The following OPA1 variants were observed in gnomAD, a reference collection of about 807,000 sequenced individuals.
OPA1 encodes dynamin-like GTPase OPA1, mitochondrial.
Under a neutral mutation model 152.9 loss-of-function variants are expected in OPA1, and 59 were observed. The observed-to-expected ratio is 0.39, with a 90% CI of 0.31 to 0.48. OPA1 has a LOEUF of 0.48. Among genes scored for constraint, OPA1 ranks in the 20% least tolerant of loss-of-function variants. OPA1 has a pLI of 0.96. For synonymous variants in OPA1, 400 were observed against 389.9 expected (o/e 1.03, Z -0.31); for missense variants, 1,008 against 1,216.8 (o/e 0.83, Z 2.55).
At chr3:193,651,616 T>G (rs1297925534) in intron 21 of OPA1, among the ~76,000 whole-genome samples, 1 of 152,212 alleles carries the variant, frequency 6.6e-6, no homozygotes, top group Non-Finnish European at 1.5e-5. Flanking sequence ...TTGGTTTATA[T>G]AGAGCAGATT....
chr3:193,607,229 T>C (rs1361548455), intron 1 of OPA1, among the ~76,000 whole-genome samples: 1 of 152,234 alleles, frequency 6.6e-6, no homozygotes, highest in Non-Finnish European at 1.5e-5. Flanking sequence ...CTGTTCACTC[T>C]GATGGTAGTT....
At chr3:193,691,965 G>A (rs191842158) in intron 29 of OPA1, 98 bp from the exon 30 acceptor site, 146 of 721,010 alleles carry the variant, frequency 2.0e-4, no homozygotes, top group Middle Eastern at 1.6e-3. Flanking sequence ...TCTTTTTCCC[G>A]CAAATAGTTA....
chr3:193,623,098 C>A (rs1730448455), intron 6 of OPA1, among the ~76,000 whole-genome samples: 1 of 151,648 alleles, frequency 6.6e-6, no homozygotes. Context: ...AAGACACTGG[C>A]AGATTCGATG....
chr3:193,693,380 C>T (rs904474642), intron 30 of OPA1, among the ~76,000 whole-genome samples: 14 of 152,330 alleles, frequency 9.2e-5, no homozygotes, highest in Admixed American at 7.2e-4. Context: ...TGGCTCACTC[C>T]TGTAATCCCA....
chr3:193,637,101 A>G, intron 9 of OPA1, 94 bp from the exon 10 acceptor site: 1 of 668,260 alleles, frequency 1.5e-6, no homozygotes, highest in South Asian at 2.0e-5. Context: ...TGGAAAAACA[A>G]TTTGAATTTA....
intron 29 of OPA1, among the ~76,000 whole-genome samples, chr3:193,679,571 C>A (rs1719795578): frequency 6.6e-6 from 1 of 152,102 alleles, no homozygotes; most frequent in African/African-American, 2.4e-5. Flanking sequence ...AAAGCTGGGG[C>A]TAATCATATG....
Position 193,596,352 on chromosome 3 carries a change from T to C in OPA1, c.32+2943T>C, listed in dbSNP as rs1293948046. Among the ~76,000 whole-genome samples the C allele has an allele frequency of 1.6e-3, 219 of 138,652 alleles. 1 individual carries two copies. Among genetic ancestry groups the C allele is most frequent in the African/African-American group, 5.6e-3 (204 of 36,618 alleles). 91.0% of individuals were successfully genotyped at this position (138,652 alleles called of 152,430 possible). On this transcript the variant is annotated intron_variant, in intron 1 of 30. Transcript: ENST00000361510. ...TTTCCTTTCCTTTTCTTTTCTTTTC[T>C]TTTCTTTTCTTAATTTTCTTTTCTT...
intron 29 of OPA1, among the ~76,000 whole-genome samples, chr3:193,680,782 A>T (rs1024239198): frequency 3.3e-5 from 5 of 152,228 alleles, no homozygotes; most frequent in Non-Finnish European, 7.4e-5. Context: ...CATATTTTTT[A>T]AAATGTATTA....
At chr3:193,680,737 G>C (rs930095803) in intron 29 of OPA1, among the ~76,000 whole-genome samples, 1 of 152,080 alleles carries the variant, frequency 6.6e-6, no homozygotes, top group African/African-American at 2.4e-5. Context: ...ATATTTTACT[G>C]ATCTTTTTTA....
chr3:193,630,005 C>T lies in OPA1; in HGVS notation c.790-1607C>T, dbSNP rs113866462. 2.6e-5 allele frequency among the ~76,000 whole-genome samples: 4 copies of T among 152,230 alleles called. 1 individual carries two copies. The highest frequency in any genetic ancestry group is 7.2e-5 in the African/African-American group (3 of 41,548). ...AATGGAACAAAGTAAATCAAAGTAC[C>T]TTTTCAAATGAATTGGAAATTAAAT... On this transcript the variant is annotated intron_variant, in intron 7 of 30. Transcript: ENST00000361510.
At chr3:193,617,329 A>G in intron 4 of OPA1, 44 bp downstream of exon 4, 1 of 1,160,954 alleles carries the variant, frequency 8.6e-7, no homozygotes, top group South Asian at 1.3e-5. Context: ...TTTAAGAACC[A>G]TGGAGGAAAA....
intron 6 of OPA1, among the ~76,000 whole-genome samples, chr3:193,625,147 A>G (rs1311180787): frequency 2.0e-5 from 3 of 152,174 alleles, no homozygotes; most frequent in Admixed American, 2.0e-4. Flanking sequence ...AGAGGCCATC[A>G]GTTAATAAAG....
intron 1 of OPA1, among the ~76,000 whole-genome samples, chr3:193,605,039 CTG>C (rs1264501012): frequency 6.6e-6 from 1 of 152,052 alleles, no homozygotes; most frequent in Non-Finnish European, 1.5e-5. Flanking sequence ...TTTGAGGAAA[CTG>C]TAGTGTCATT....
In OPA1 at chr3:193,648,305, ATTAT is replaced by A. The variant is rs146802653; in HGVS notation, c.1935+177_1935+180del. 4.7e-3 allele frequency: 2,603 copies of A among 553,852 alleles called. 27 individuals are homozygous for A. Among genetic ancestry groups the A allele is most frequent in the East Asian group, 0.023 (725 of 31,886 alleles). 34.3% of individuals were successfully genotyped at this position (553,852 alleles called of 1,614,324 possible). On this transcript the variant is annotated intron_variant, in intron 20 of 30. Coordinates refer to ENST00000361510, the MANE Select transcript of OPA1 (RefSeq NM_130837.3). ...GCAGTTATCTCTTTCAGTAATTTAA[ATTAT>A]TTATTATATAACATTAAAAATGGAT...
At position 193,614,968 on chromosome 3, in the gene OPA1, T is replaced by C. The variant is rs767232015; in HGVS notation, c.278T>C (p.Leu93Ser). The change falls in exon 2 of 31, where the codon TTA becomes TCA. Residue 93 changes from leucine (L) to serine (S), a missense_variant. Leu to Ser is a moderately radical substitution (Grantham distance 145, BLOSUM62 -2). Coordinates refer to ENST00000361510, the MANE Select transcript of OPA1 (RefSeq NM_130837.3). ...QPRRNFWPAR[L>S]ATRLLKLRYL... ...CGCAGGAATTTTTGGCCAGCAAGAT[T>C]AGCTACGAGACTCTTAAAACTTCGC... 4.3e-6 allele frequency: 7 copies of C among 1,614,214 alleles called. No individual in the cohort carries two copies. The highest frequency in any genetic ancestry group is 1.7e-5 in the Admixed American group (1 of 60,028).
intron 29 of OPA1, among the ~76,000 whole-genome samples, chr3:193,684,219 T>C (rs885053): frequency 0.46 from 70,321 of 151,606 alleles, 16,743 homozygotes; most frequent in African/African-American, 0.54. Flanking sequence ...CTAACATGCG[T>C]AGTTCTAGGG....
rs547975564 is a variant in OPA1, at chr3:193,670,792, T to C, written c.2983+3512T>C. 3.3e-5 allele frequency among the ~76,000 whole-genome samples: 5 copies of C among 152,202 alleles called. No individual in the cohort carries two copies. In the South Asian group the frequency reaches 1.0e-3, roughly 32 times the overall value. On this transcript the variant is annotated intron_variant, in intron 29 of 30. Transcript: ENST00000361510. The stretch of plus-strand genomic sequence containing the variant: ...GCTAGAGTTAGGAAGATTGAAGAAA[T>C]GAAAAAGGAGCTCACATGATTTTGT...
rs190659936 is a variant in OPA1 at position 193,688,792 on chromosome 3, G to A, written c.2984-3271G>A. ...GGCCAAGACTTCGAGACCAGCCTGG[G>A]CAACATAGTGAGACCCCCATCTTGA... On this transcript the variant is annotated intron_variant, in intron 29 of 30. Transcript: ENST00000361510. Among the ~76,000 whole-genome samples the A allele has an allele frequency of 3.2e-4, 49 of 152,138 alleles. No homozygotes were observed. In the East Asian group the frequency reaches 4.1e-3, roughly 13 times the overall value.
At chr3:193,645,453 A>T in intron 16 of OPA1, 100 bp from the exon 17 acceptor site, 1 of 788,632 alleles carries the variant, frequency 1.3e-6, no homozygotes, top group Non-Finnish European at 2.1e-6. Flanking sequence ...ATTTAACTAT[A>T]TACATGTATA....
Sources: gnomAD v4.1 joint callset for allele counts (sites outside exome capture counted in the v4.1 genomes callset) on GRCh38, gnomAD v4.1.1 for gene constraint, MANE v1.5 for transcripts, NCBI Gene and HGNC (gene_info 2026-07-23, HGNC 2026-07-21) for gene names.